ZNF554: variants seen among roughly 807,000 people sequenced by gnomAD.
The protein encoded by ZNF554 is zinc finger protein 554.
Under a neutral mutation model 21.2 loss-of-function variants are expected in ZNF554, and 15 were observed. The ratio of observed to expected loss-of-function variants is 0.71; its 90% CI spans 0.47 to 1.09. The LOEUF (loss-of-function observed/expected upper bound fraction) is 1.09, where lower values mean the gene tolerates loss of function less well. Ranked by LOEUF, ZNF554 falls within the 50% of genes least tolerant of loss-of-function variation. ZNF554 has a pLI of 0.00. For missense variants in ZNF554, 691 were observed against 662.7 expected, an observed-to-expected ratio of 1.04 and a Z score of -0.47; for synonymous variants, 258 against 251.4, an observed-to-expected ratio of 1.03 and a Z score of -0.25.
In ZNF554 at chr19:2,827,721, C is replaced by G; in HGVS notation, c.231C>G (p.Asn77Lys). 1 of 1,613,942 alleles carries G rather than the reference C, an allele frequency of 6.2e-7. No individual in the cohort carries two copies. Among genetic ancestry groups the G allele is most frequent in the East Asian group, 2.2e-5 (1 of 44,882 alleles). The change falls in exon 3 of 5, where the codon AAC becomes AAG. Residue 77 changes from asparagine (N) to lysine (K), a missense_variant. Asn to Lys is a moderately conservative substitution (Grantham distance 94, BLOSUM62 0). Coordinates refer to ENST00000317243, the MANE Select transcript of ZNF554 (RefSeq NM_001102651.2). ...TGTACAGAGAGGTGATGCTGGAGAA[C>G]TACAGGAACGTGGTCTCCCTGGGTA... ...KNLYREVMLE[N>K]YRNVVSLEAL...
At position 2,825,607 on chromosome 19, in the gene ZNF554, A is replaced by T. The variant is rs188209884; in HGVS notation, c.127-2010A>T. ...GTGGGATTTTTAAAATATTTTAAAAATTTTTTGTAGAAACTGGGTGTCACT... is the reference window on the plus strand; with the variant it reads ...GTGGGATTTTTAAAATATTTTAAAATTTTTTTGTAGAAACTGGGTGTCACT... On this transcript the variant is annotated intron_variant, in intron 2 of 4. Coordinates refer to ENST00000317243, the MANE Select transcript of ZNF554 (RefSeq NM_001102651.2). 9.9e-3 allele frequency among the ~76,000 whole-genome samples: 1,502 copies of T among 152,286 alleles called. 16 individuals are homozygous for T. The highest frequency in any genetic ancestry group is 0.014 in the Non-Finnish European group (966 of 68,018).
chr19:2,835,476 A>AAG lies in ZNF554; in HGVS notation c.*625_*626insGA, dbSNP rs1347780085. On this transcript the variant is annotated 3_prime_UTR_variant, in exon 5 of 5. Coordinates refer to ENST00000317243, the MANE Select transcript of ZNF554 (RefSeq NM_001102651.2). ...GACAGAGCGAGACTCCGTCTCAAAAAAAAAAAAAAAATTATAGAGTTGGGG... is the reference window on the plus strand; with the variant it reads ...GACAGAGCGAGACTCCGTCTCAAAAAAGAAAAAAAAAAATTATAGAGTTGGGG... The AAG allele has an allele frequency of 6.6e-6, 1 of 151,746 alleles. No individual in the cohort carries two copies. The highest frequency in any genetic ancestry group is 1.5e-5 in the Non-Finnish European group (1 of 67,996). 9.4% of individuals were successfully genotyped at this position (151,746 alleles called of 1,614,324 possible).
In ZNF554 at chr19:2,836,432, C is replaced by T. The variant is rs2087497575; in HGVS notation, c.*1580C>T. ...TTCACATTGGCCACTTAGCTAGATC[C>T]GTTTGTCTTCTGCAGTACTGTGCTG... On this transcript the variant is annotated 3_prime_UTR_variant, in exon 5 of 5. Coordinates refer to ENST00000317243, the MANE Select transcript of ZNF554 (RefSeq NM_001102651.2). Among the ~76,000 whole-genome samples, 2 of 152,184 alleles carry T rather than the reference C, an allele frequency of 1.3e-5. No homozygotes were observed. The highest frequency in any genetic ancestry group is 6.5e-5 in the Admixed American group (1 of 15,276).
rs193044285 is a variant in ZNF554, at chr19:2,821,099, T to C, written c.53+975T>C. 6.6e-5 allele frequency among the ~76,000 whole-genome samples: 10 copies of C among 151,492 alleles called. No homozygotes were observed. The South Asian group carries it at 1.2e-3, about 19-fold the overall frequency. On this transcript the variant is annotated intron_variant, in intron 1 of 4. Coordinates refer to ENST00000317243, the MANE Select transcript of ZNF554 (RefSeq NM_001102651.2). This position sits in a 1 kb window ranked among gnomAD's most constrained non-coding sequence, Gnocchi z 8.2. ...AGGTTGGTTTCTTTTTCTTCTTCTT[T>C]TTTTTTTCTTGAGACAGTCTCGCCC...
intron 2 of ZNF554, among the ~76,000 whole-genome samples, chr19:2,825,593 A>T (rs1348323695): frequency 6.6e-6 from 1 of 152,172 alleles, no homozygotes; most frequent in Non-Finnish European, 1.5e-5. Context: ...TGGGATTTTT[A>T]AAATATTTTA....
Position 2,834,115 on chromosome 19 carries a change from A to T in ZNF554, c.880A>T (p.Lys294Ter). The change falls in exon 5 of 5, where the codon AAG (lysine) becomes TAG (stop). Residue 294 changes from lysine to a stop codon, truncating the protein, a stop_gained. Transcript: ENST00000317243. LOFTEE classifies it low-confidence loss of function (END_TRUNC). ...CAGTCACTTTATTCAACACGGGGGGAAGATGTTTGTGTATTTGGAAAATGG... is the reference window on the plus strand; with the variant it reads ...CAGTCACTTTATTCAACACGGGGGGTAGATGTTTGTGTATTTGGAAAATGG... The part of the protein sequence containing the change: ...QNSHFIQHGG[K>*]MFVYLENGQS... The T allele has an allele frequency of 6.2e-7, 1 of 1,613,926 alleles. No homozygotes were observed. Among genetic ancestry groups the T allele is most frequent in the Non-Finnish European group, 8.5e-7 (1 of 1,180,036 alleles).
At position 2,834,920 on chromosome 19, in the gene ZNF554, T is replaced by C. The variant is rs1410754140; in HGVS notation, c.*68T>C. The C allele has an allele frequency of 4.3e-6, 6 of 1,383,706 alleles. No individual in the cohort carries two copies. The highest frequency in any genetic ancestry group is 4.9e-6 in the Non-Finnish European group (5 of 1,021,008). The allele number at this position is 1,383,706 out of a possible 1,614,324, so 85.7% of individuals were successfully genotyped here. A position where few individuals can be genotyped will look rare whatever the true frequency, so the allele number is the denominator to read the frequency against. The stretch of plus-strand genomic sequence containing the variant: ...ACATACATGTGGTTATCTTTTGCCC[T>C]GTTGTGATGGATAATTTGAAAAGAA... On this transcript the variant is annotated 3_prime_UTR_variant, in exon 5 of 5. Coordinates refer to ENST00000317243, the MANE Select transcript of ZNF554 (RefSeq NM_001102651.2).
At position 2,834,369 on chromosome 19, in the gene ZNF554, G is replaced by A; in HGVS notation, c.1134G>A (p.Lys378=). 1 of 1,613,872 alleles carries A rather than the reference G, an allele frequency of 6.2e-7. No individual in the cohort carries two copies. Among genetic ancestry groups the A allele is most frequent in the African/African-American group, 1.3e-5 (1 of 74,982 alleles). Residue 378 remains lysine (K), a synonymous_variant, in exon 5 of 5, where the codon AAG becomes AAA. Transcript: ENST00000317243. ...ATCTGAGAACTCATACTGGAGAGAA[G>A]CCCTACGGGTGCGGTGAGTGCGGGA... The part of the protein sequence containing the change: ...TRHLRTHTGE[K]PYGCGECGKA...
At position 2,836,509 on chromosome 19, in the gene ZNF554, A is replaced by C. The variant is rs555727751; in HGVS notation, c.*1657A>C. On this transcript the variant is annotated 3_prime_UTR_variant, in exon 5 of 5. Coordinates refer to ENST00000317243, the MANE Select transcript of ZNF554 (RefSeq NM_001102651.2). Reference sequence around the variant, plus strand: ...GCGCTTTGGAGGTAAAGTTTAAAAAATACAAGGGCTTCAAAATAGTACTAG... The same window carrying C: ...GCGCTTTGGAGGTAAAGTTTAAAAACTACAAGGGCTTCAAAATAGTACTAG... Among the ~76,000 whole-genome samples, 42 of 152,348 alleles carry C rather than the reference A, an allele frequency of 2.8e-4. No individual in the cohort carries two copies. The highest frequency in any genetic ancestry group is 9.1e-4 in the African/African-American group (38 of 41,578).
chr19:2,835,269 G>T lies in ZNF554; in HGVS notation c.*417G>T, dbSNP rs990589700. ...GGGTGGATCATGAGGTCAGGAGATC[G>T]AGACCATCCTGGCTAACACAGTGAA... On this transcript the variant is annotated 3_prime_UTR_variant, in exon 5 of 5. Transcript: ENST00000317243. 2 of 165,692 alleles carry T rather than the reference G, an allele frequency of 1.2e-5. No individual in the cohort carries two copies. The highest frequency in any genetic ancestry group is 5.5e-5 in the Admixed American group (1 of 18,154). The allele number at this position is 165,692 out of a possible 1,614,324, so 10.3% of individuals were successfully genotyped here. A position where few individuals can be genotyped will look rare whatever the true frequency, so the allele number is the denominator to read the frequency against.
chr19:2,826,050 G>A (rs777845987), intron 2 of ZNF554, among the ~76,000 whole-genome samples: 2 of 151,558 alleles, frequency 1.3e-5, no homozygotes, highest in Non-Finnish European at 2.9e-5. Context: ...ACAGGCACCC[G>A]TCACCACGCT....
chr19:2,820,132 C>T lies in ZNF554; in HGVS notation c.53+8C>T, dbSNP rs1328364292. On this transcript the variant is annotated splice_region_variant and intron_variant, in intron 1 of 4. Transcript: ENST00000317243. ...GCTCCCGGCAGCTCAGCCGTAAGTG[C>T]CGCCGCCTCCCGCGCCGCGACCTCC... 7.4e-6 allele frequency: 9 copies of T among 1,218,748 alleles called. No individual in the cohort carries two copies. The South Asian group carries it at 1.2e-4, about 16-fold the overall frequency. The allele number at this position is 1,218,748 out of a possible 1,614,324, so 75.5% of individuals were successfully genotyped here.
chr19:2,823,806 G>A (rs1291010347), intron 2 of ZNF554, among the ~76,000 whole-genome samples: 1 of 152,130 alleles, frequency 6.6e-6, no homozygotes, highest in Non-Finnish European at 1.5e-5. Context: ...CTGAGCCCAG[G>A]GCTTTTACGG....
chr19:2,834,696 T>A lies in ZNF554; in HGVS notation c.1461T>A (p.Thr487=). The change falls in exon 5 of 5, where the codon ACT becomes ACA. Residue 487 remains threonine, a synonymous_variant. Coordinates refer to ENST00000317243, the MANE Select transcript of ZNF554 (RefSeq NM_001102651.2). ...TTGTGAGGCACGAGAGAACTCACAC[T>A]GGAGAGAAACCCTACAGGTGTCAGG... ...SSLVRHERTH[T]GEKPYRCQEC... 6 of 1,613,440 alleles carry A rather than the reference T, an allele frequency of 3.7e-6. No homozygotes were observed. The highest frequency in any genetic ancestry group is 5.1e-6 in the Non-Finnish European group (6 of 1,179,790).
rs113539985 is a variant in ZNF554, at chr19:2,828,705, G to A, written c.253+962G>A. Among the ~76,000 whole-genome samples the A allele has an allele frequency of 3.0e-3, 459 of 151,676 alleles. 1 individual carries two copies. The highest frequency in any genetic ancestry group is 0.011 in the African/African-American group (440 of 41,390). ...AAAAAAAAAAAAAGCAAGAAAAGAG[G>A]TTTAATGGAGTCACAGTTCCACATG... is the stretch of plus-strand genomic sequence containing the variant. On this transcript the variant is annotated intron_variant, in intron 3 of 4. Transcript: ENST00000317243.
chr19:2,834,853 C>T lies in ZNF554; in HGVS notation c.*1C>T. 1.9e-6 allele frequency: 3 copies of T among 1,572,016 alleles called. No homozygotes were observed. Among genetic ancestry groups the T allele is most frequent in the Non-Finnish European group, 2.6e-6 (3 of 1,155,986 alleles). Reference sequence around the variant, plus strand: ...GAACAGACATCTTATTGGATATTAGCAATTGCACGCTGCTTTGTAAGCCAC... The same window carrying T: ...GAACAGACATCTTATTGGATATTAGTAATTGCACGCTGCTTTGTAAGCCAC... On this transcript the variant is annotated 3_prime_UTR_variant, in exon 5 of 5. Coordinates refer to ENST00000317243, the MANE Select transcript of ZNF554 (RefSeq NM_001102651.2).
intron 1 of ZNF554, 116 bp from the exon 2 acceptor site, chr19:2,822,924 C>G (rs2087281568): frequency 1.0e-6 from 1 of 965,138 alleles, no homozygotes; most frequent in East Asian, 2.4e-5. Flanking sequence ...TTCAGTTTAC[C>G]TCCCTCTGTG....
At position 2,834,841 on chromosome 19, in the gene ZNF554, A is replaced by T; in HGVS notation, c.1606A>T (p.Ile536Phe). 1 of 1,586,774 alleles carries T rather than the reference A, an allele frequency of 6.3e-7. No individual in the cohort carries two copies. Among genetic ancestry groups the T allele is most frequent in the Non-Finnish European group, 8.6e-7 (1 of 1,163,328 alleles). ...GKAFYQNRHL[I>F]GY ...AGCGTTCTACCAGAACAGACATCTT[A>T]TTGGATATTAGCAATTGCACGCTGC... is the stretch of plus-strand genomic sequence containing the variant. Residue 536 changes from isoleucine (I) to phenylalanine (F), a missense_variant, in exon 5 of 5, where the codon ATT (isoleucine) becomes TTT (phenylalanine). Physicochemically the swap from Ile to Phe is conservative, Grantham distance 21. Transcript: ENST00000317243.
chr19:2,836,141 GGTGTGA>G lies in ZNF554; in HGVS notation c.*1291_*1296del, dbSNP rs2087493943. 6.6e-5 allele frequency among the ~76,000 whole-genome samples: 10 copies of G among 151,098 alleles called. No homozygotes were observed. The highest frequency in any genetic ancestry group is 5.3e-4 in the Admixed American group (8 of 15,026). On this transcript the variant is annotated 3_prime_UTR_variant, in exon 5 of 5. Transcript: ENST00000317243. ...TGTGAGCCACCGTGCTGGTATTACG[GGTGTGA>G]GCCACTGTGCTGGGATTACGGGCGT...
Sources: gnomAD v4.1 joint callset for allele counts (sites outside exome capture counted in the v4.1 genomes callset) on GRCh38, gnomAD v4.1.1 for gene constraint, Gnocchi (gnomAD v3.1) non-coding constraint, MANE v1.5 for transcripts, NCBI Gene and HGNC (gene_info 2026-07-23, HGNC 2026-07-21) for gene names.